Variants in SEPTIN9 observed in about 807,000 individuals in gnomAD.
The protein encoded by SEPTIN9 is septin 9.
SEPTIN9 carries 13 observed loss-of-function variants against 56.6 expected under a neutral mutation model. The ratio of observed to expected loss-of-function variants is 0.23; its 90% confidence interval spans 0.15 to 0.37. The LOEUF (loss-of-function observed/expected upper bound fraction) is 0.37, where lower values mean the gene tolerates loss of function less well. SEPTIN9 is among the 10% of genes least tolerant of loss of function. The pLI, the probability that SEPTIN9 is intolerant of heterozygous loss-of-function variation, is 1.00. For missense variants in SEPTIN9, 650 were observed against 823.1 expected (o/e 0.79, Z 2.57); for synonymous variants, 332 against 334.1 (o/e 0.99, Z 0.07).
chr17:77,413,513 C>T (rs1218273769), intron 3 of SEPTIN9, among the ~76,000 whole-genome samples: 1 of 152,200 alleles, frequency 6.6e-6, no homozygotes, highest in East Asian at 1.9e-4. Context: ...CACGATCGAT[C>T]AGTCGGTGTG....
At chr17:77,415,319 AGTCTC>A (rs2036461097) in intron 3 of SEPTIN9, among the ~76,000 whole-genome samples, 2 of 152,146 alleles carry the variant, frequency 1.3e-5, no homozygotes. Context: ...TTATTCAAGA[AGTCTC>A]GGCCAGGCGT....
chr17:77,307,383 C>T lies in SEPTIN9; in HGVS notation c.76+186C>T, dbSNP rs187300459. Among the ~76,000 whole-genome samples the T allele has an allele frequency of 2.6e-4, 39 of 152,352 alleles. No homozygotes were observed. In the South Asian group the frequency reaches 3.7e-3, roughly 15 times the overall value. ...CTCAGGTGGCTTCCAGGCCTGTCGA[C>T]GCTGCCCTGCTGGAGATGATCCTTG... On this transcript the variant is annotated intron_variant, in intron 2 of 11. Coordinates refer to ENST00000427177, the MANE Select transcript of SEPTIN9 (RefSeq NM_001113491.2).
chr17:77,304,821 G>T (rs1194049433), intron 1 of SEPTIN9, among the ~76,000 whole-genome samples: 3 of 152,150 alleles, frequency 2.0e-5, no homozygotes, highest in Non-Finnish European at 2.9e-5. Flanking sequence ...TAGTGACCCC[G>T]TGTGCGTTAT....
chr17:77,285,973 G>C (rs913422029), intron 1 of SEPTIN9, among the ~76,000 whole-genome samples: 1 of 152,220 alleles, frequency 6.6e-6, no homozygotes, highest in Non-Finnish European at 1.5e-5. Context: ...ACAGGCGAGC[G>C]TGGGAAGGGC....
intron 3 of SEPTIN9, among the ~76,000 whole-genome samples, chr17:77,430,478 G>A (rs968518853): frequency 2.0e-5 from 3 of 152,072 alleles, no homozygotes; most frequent in African/African-American, 7.3e-5. Flanking sequence ...TACAGCCAGC[G>A]GCCGATCACT....
intron 2 of SEPTIN9, among the ~76,000 whole-genome samples, chr17:77,331,555 G>A (rs879815889): frequency 8.5e-5 from 13 of 152,202 alleles, no homozygotes; most frequent in Non-Finnish European, 1.6e-4. Flanking sequence ...GAAGGGGAGA[G>A]GAACTCGGGT....
rs182189590 is a variant in SEPTIN9 at position 77,402,426 on chromosome 17, G to T, written c.444G>T (p.Arg148=). 30 of 1,610,808 alleles carry T rather than the reference G, an allele frequency of 1.9e-5. No homozygotes were observed. The African/African-American group carries it at 3.7e-4, about 20-fold the overall frequency. ...ACAAGACGCCAGAACCGGCCCCTCGGAGGACGGAGATCACCATCGTCAAAC... is the reference window on the plus strand; with the variant it reads ...ACAAGACGCCAGAACCGGCCCCTCGTAGGACGGAGATCACCATCGTCAAAC... ...LGHKTPEPAP[R]RTEITIVKPQ... The change falls in exon 3 of 12, where the codon CGG becomes CGT. Residue 148 remains arginine (R), a synonymous_variant. Transcript: ENST00000427177. This position sits in a 1 kb window ranked among gnomAD's most constrained non-coding sequence, Gnocchi z 6.6.
chr17:77,359,910 A>T (rs1344218414), intron 2 of SEPTIN9, among the ~76,000 whole-genome samples: 3 of 152,116 alleles, frequency 2.0e-5, no homozygotes, highest in Admixed American at 6.6e-5. Context: ...CATGCCTGTA[A>T]TCCTGGCACT....
chr17:77,398,016 C>G (rs2144076409), intron 2 of SEPTIN9, among the ~76,000 whole-genome samples: 1 of 149,386 alleles, frequency 6.7e-6, no homozygotes, highest in Non-Finnish European at 1.5e-5. Context: ...CTCTGTCATC[C>G]AGGCTGGAGT....
chr17:77,334,138 A>G (rs887728372), intron 2 of SEPTIN9, among the ~76,000 whole-genome samples: 19 of 152,106 alleles, frequency 1.2e-4, no homozygotes, highest in African/African-American at 4.3e-4. Context: ...TAAAAAAAAA[A>G]TTGGCCGGGC....
intron 2 of SEPTIN9, among the ~76,000 whole-genome samples, chr17:77,378,698 T>C (rs1274476203): frequency 1.3e-5 from 2 of 152,192 alleles, no homozygotes; most frequent in African/African-American, 4.8e-5. Flanking sequence ...GGGGTCCCTC[T>C]GAGCCCGACA....
Position 77,456,709 on chromosome 17 carries a change from G to A in SEPTIN9, c.722-25435G>A, listed in dbSNP as rs992346804. Among the ~76,000 whole-genome samples, 16 of 150,904 alleles carry A rather than the reference G, an allele frequency of 1.1e-4. No individual in the cohort carries two copies. The highest frequency in any genetic ancestry group is 3.9e-4 in the East Asian group (2 of 5,146). ...GCACCGGGTACCCACAGCCAGGGAC[G>A]GGCCCCCATGGCCAGTACCAGATCT... On this transcript the variant is annotated intron_variant, in intron 3 of 11. Transcript: ENST00000427177. The surrounding 1 kb of genome is among the most constrained non-coding windows in gnomAD (Gnocchi z 6.0).
chr17:77,447,401 G>A (rs2037782883), intron 3 of SEPTIN9, among the ~76,000 whole-genome samples: 1 of 152,160 alleles, frequency 6.6e-6, no homozygotes, highest in African/African-American at 2.4e-5. Flanking sequence ...AACATTCCAA[G>A]CTTCAGACTC....
intron 2 of SEPTIN9, among the ~76,000 whole-genome samples, chr17:77,397,653 T>C (rs759122208): frequency 1.3e-4 from 20 of 152,154 alleles, no homozygotes; most frequent in Non-Finnish European, 2.1e-4. Flanking sequence ...GATCCTGTGA[T>C]CCAGCCTTTT....
At chr17:77,438,007 C>A (rs892120230) in intron 3 of SEPTIN9, among the ~76,000 whole-genome samples, 1 of 152,216 alleles carries the variant, frequency 6.6e-6, no homozygotes, top group African/African-American at 2.4e-5. Flanking sequence ...CATGGGTGAG[C>A]AGCCCACGAC....
intron 1 of SEPTIN9, 35 bp downstream of exon 1, chr17:77,281,589 G>A: frequency 6.5e-7 from 1 of 1,532,030 alleles, no homozygotes; most frequent in Non-Finnish European, 8.8e-7. Flanking sequence ...AGGGGTCGGT[G>A]TCCCGGGACC....
chr17:77,453,718 C>T lies in SEPTIN9; in HGVS notation c.722-28426C>T, dbSNP rs910361912. The T allele has an allele frequency of 5.3e-5, 8 of 152,368 alleles. No homozygotes were observed. Among genetic ancestry groups the T allele is most frequent in the Non-Finnish European group, 2.9e-5 (2 of 68,156 alleles). The allele number at this position is 152,368 out of a possible 1,614,324, so 9.4% of individuals were successfully genotyped here. The stretch of plus-strand genomic sequence containing the variant: ...GAAGCCCTAGACCCACTTGGGCAAC[C>T]AGAGTCTCTGGGTTGACCACTCCCC... On this transcript the variant is annotated intron_variant, in intron 3 of 11. Transcript: ENST00000427177. This position sits in a 1 kb window ranked among gnomAD's most constrained non-coding sequence, Gnocchi z 4.4.
intron 2 of SEPTIN9, among the ~76,000 whole-genome samples, chr17:77,354,018 C>T (rs891867612): frequency 6.6e-5 from 10 of 152,144 alleles, no homozygotes; most frequent in Admixed American, 6.5e-5. Context: ...GCTCCAGCCT[C>T]GGCAGTCCCT....
intron 3 of SEPTIN9, among the ~76,000 whole-genome samples, chr17:77,458,183 G>A (rs2038300095): frequency 6.6e-6 from 1 of 152,202 alleles, no homozygotes; most frequent in African/African-American, 2.4e-5. Context: ...TTTCCACCCT[G>A]CTCACCATCC....
Sources: allele counts gnomAD v4.1 joint callset (sites outside exome capture counted in the v4.1 genomes callset), GRCh38; gene constraint gnomAD v4.1.1; non-coding constraint Gnocchi (gnomAD v3.1); transcripts MANE v1.5; gene names NCBI Gene and HGNC (gene_info 2026-07-23, HGNC 2026-07-21).